FYN: variants seen among roughly 807,000 people sequenced by gnomAD.
FYN encodes tyrosine-protein kinase Fyn.
In FYN, 10 loss-of-function variants were observed where a neutral mutation model predicts 70.2. The ratio of observed to expected loss-of-function variants is 0.14; its 90% CI spans 0.09 to 0.24. The LOEUF (loss-of-function observed/expected upper bound fraction) is 0.24. FYN is among the 10% of genes least tolerant of loss of function. FYN has a pLI of 1.00. For synonymous variants in FYN, 236 were observed against 248.6 expected (o/e 0.95, Z 0.48); for missense variants, 319 against 673.1 (o/e 0.47, Z 5.82).
intron 3 of FYN, among the ~76,000 whole-genome samples, chr6:111,730,082 A>G (rs1335549292): frequency 6.6e-6 from 1 of 152,094 alleles, no homozygotes; most frequent in African/African-American, 2.4e-5. Flanking sequence ...TTGAGAGGCA[A>G]CTCCTTCTAG....
At chr6:111,737,941 T>C (rs1449806319) in intron 3 of FYN, among the ~76,000 whole-genome samples, 4 of 152,174 alleles carry the variant, frequency 2.6e-5, no homozygotes, top group African/African-American at 7.2e-5. Flanking sequence ...AATAAACAAA[T>C]AATTTTTTCT....
At chr6:111,669,438 C>CAAAAAAAAAAAAAAA (rs10690295) in intron 13 of FYN, among the ~76,000 whole-genome samples, 2 of 56,868 alleles carry the variant, frequency 3.5e-5, no homozygotes, top group African/African-American at 6.5e-5. Flanking sequence ...CCATCCATCT[C>CAAAAAAAAAAAAAAA]AAAAAAAAAA....
intron 2 of FYN, among the ~76,000 whole-genome samples, chr6:111,782,129 T>G (rs970190095): frequency 2.0e-5 from 3 of 152,248 alleles, no homozygotes; most frequent in Non-Finnish European, 4.4e-5. Context: ...TTTTCCACCT[T>G]GATTTTCCCA....
intron 13 of FYN, 114 bp from the exon 14 acceptor site, chr6:111,662,061 G>C (rs1797760206): frequency 1.2e-6 from 1 of 805,386 alleles, no homozygotes; most frequent in Non-Finnish European, 1.9e-6. Flanking sequence ...AACATGCGGA[G>C]TACTCCCATC....
chr6:111,765,398 G>C (rs1166407263), intron 3 of FYN, among the ~76,000 whole-genome samples: 1 of 152,126 alleles, frequency 6.6e-6, no homozygotes, highest in East Asian at 1.9e-4. Flanking sequence ...GAGAGAAAAA[G>C]GCCATGTGGG....
intron 3 of FYN, among the ~76,000 whole-genome samples, chr6:111,736,954 C>G (rs1187946493): frequency 6.6e-6 from 1 of 152,154 alleles, no homozygotes; most frequent in Non-Finnish European, 1.5e-5. Flanking sequence ...TTTTCCAAAC[C>G]CACTAAACTG....
At chr6:111,706,219 G>A (rs1800086047) in intron 6 of FYN, among the ~76,000 whole-genome samples, 1 of 152,230 alleles carries the variant, frequency 6.6e-6, no homozygotes, top group Non-Finnish European at 1.5e-5. Flanking sequence ...ACTAGGTGCT[G>A]AATGAGCAGC....
At chr6:111,701,160 T>C (rs1006156683) in intron 8 of FYN, among the ~76,000 whole-genome samples, 6 of 152,232 alleles carry the variant, frequency 3.9e-5, no homozygotes, top group African/African-American at 1.4e-4. Flanking sequence ...ATTCTTTCTT[T>C]GTCTTCTTTC....
intron 2 of FYN, among the ~76,000 whole-genome samples, chr6:111,806,051 G>A (rs549848637): frequency 6.6e-6 from 1 of 152,294 alleles, no homozygotes; most frequent in East Asian, 1.9e-4. Context: ...GGTGCAGTAG[G>A]AAGCTGGGGT....
At chr6:111,744,367 G>C (rs1392696043) in intron 3 of FYN, among the ~76,000 whole-genome samples, 1 of 152,216 alleles carries the variant, frequency 6.6e-6, no homozygotes, top group Non-Finnish European at 1.5e-5. Context: ...TTCTGCAGTG[G>C]ATGGCTGCTC....
At chr6:111,743,374 T>C (rs186378711) in intron 3 of FYN, among the ~76,000 whole-genome samples, 23 of 152,324 alleles carry the variant, frequency 1.5e-4, no homozygotes, top group Admixed American at 1.5e-3. Flanking sequence ...TCATGATTTT[T>C]CTCCACATGT....
At chr6:111,726,632 G>A (rs1801205143) in intron 3 of FYN, among the ~76,000 whole-genome samples, 1 of 152,192 alleles carries the variant, frequency 6.6e-6, no homozygotes, top group African/African-American at 2.4e-5. Context: ...GGGTGTGGGT[G>A]TGAGGGCTGG....
intron 4 of FYN, 92 bp from the exon 5 acceptor site, chr6:111,714,535 A>T (rs1800530707): frequency 1.1e-6 from 1 of 900,210 alleles, no homozygotes; most frequent in Admixed American, 1.9e-5. Flanking sequence ...TCATTCTCAC[A>T]ATCTACATCT....
At chr6:111,700,011 G>A (rs895733501) in intron 9 of FYN, 93 bp downstream of exon 9, 8 of 1,142,052 alleles carry the variant, frequency 7.0e-6, no homozygotes, top group East Asian at 2.5e-5. Flanking sequence ...CTTTCTTCCC[G>A]GTCACGCAGT....
intron 8 of FYN, chr6:111,702,267 T>G (rs771312138): frequency 6.6e-6 from 1 of 152,214 alleles, no homozygotes; most frequent in Non-Finnish European, 1.5e-5. Context: ...AATAATTATA[T>G]GTTTTCAGAA....
chr6:111,758,462 T>TA (rs1195369827), intron 3 of FYN, among the ~76,000 whole-genome samples: 5 of 152,200 alleles, frequency 3.3e-5, no homozygotes, highest in Non-Finnish European at 5.9e-5. Context: ...GGACGTTATT[T>TA]AAAAAAATCC....
At chr6:111,760,347 C>T (rs1802949212) in intron 3 of FYN, among the ~76,000 whole-genome samples, 1 of 152,140 alleles carries the variant, frequency 6.6e-6, no homozygotes, top group African/African-American at 2.4e-5. Flanking sequence ...CTTCCATCTG[C>T]TTGCATTTAA....
At chr6:111,735,324 C>G (rs1263621958) in intron 3 of FYN, among the ~76,000 whole-genome samples, 2 of 152,154 alleles carry the variant, frequency 1.3e-5, no homozygotes, top group African/African-American at 4.8e-5. Flanking sequence ...GAGAAGCAGT[C>G]AGAAGCCAAA....
chr6:111,846,933 A>C (rs545385301), intron 1 of FYN, among the ~76,000 whole-genome samples: 3 of 150,460 alleles, frequency 2.0e-5, no homozygotes, highest in Non-Finnish European at 3.0e-5. Flanking sequence ...CACACACACA[A>C]ACACAAACAC....
Sources: allele counts gnomAD v4.1 joint callset (sites outside exome capture counted in the v4.1 genomes callset), GRCh38; gene constraint gnomAD v4.1.1; transcripts MANE v1.5; gene names NCBI Gene and HGNC (gene_info 2026-07-23, HGNC 2026-07-21).